SNX15: variants seen among roughly 807,000 people sequenced by gnomAD.
SNX15 encodes the protein sorting nexin 15.
In SNX15, 29 loss-of-function variants were observed where a neutral mutation model predicts 35.2. That is an observed-to-expected ratio of 0.82 (90% CI 0.61 to 1.12). The LOEUF (loss-of-function observed/expected upper bound fraction) is 1.12. Among genes scored for constraint, SNX15 ranks in the 50% most tolerant of loss-of-function variants. SNX15 has a pLI of 0.00. For missense variants in SNX15, 400 were observed against 451.5 expected, an observed-to-expected ratio of 0.89 and a Z score of 1.03; for synonymous variants, 189 against 188.2, an observed-to-expected ratio of 1.00 and a Z score of -0.03.
intron 1 of SNX15, 28 bp from the exon 2 acceptor site, chr11:65,032,140 T>C: frequency 6.2e-7 from 1 of 1,613,278 alleles, no homozygotes; most frequent in Non-Finnish European, 8.5e-7. Context: ...GTCTCTGGTC[T>C]CAACCAGCTC....
intron 1 of SNX15, among the ~76,000 whole-genome samples, chr11:65,030,034 T>C (rs1421571950): frequency 6.6e-6 from 1 of 151,846 alleles, no homozygotes; most frequent in African/African-American, 2.4e-5. Flanking sequence ...ACTACAAGCA[T>C]GTACCACTAC....
At position 65,039,821 on chromosome 11, in the gene SNX15, C is replaced by A; in HGVS notation, c.*29C>A. 6.7e-7 allele frequency: 1 copy of A among 1,490,772 alleles called. No homozygotes were observed. The highest frequency in any genetic ancestry group is 9.3e-7 in the Non-Finnish European group (1 of 1,077,620). 92.3% of individuals were successfully genotyped at this position (1,490,772 alleles called of 1,614,324 possible). A position where few individuals can be genotyped will look rare whatever the true frequency, so the allele number is the denominator to read the frequency against. On this transcript the variant is annotated 3_prime_UTR_variant, in exon 8 of 8. Coordinates refer to ENST00000377244, the MANE Select transcript of SNX15 (RefSeq NM_013306.5). ...GGAGTGGGCCATTCCCTGGGACTCT[C>A]GCTCCTGCACTGCCAGCCCCTTCTC...
In SNX15 at chr11:65,035,531, C is replaced by A. The variant is rs151138240; in HGVS notation, c.532C>A (p.Pro178Thr). The A allele has an allele frequency of 3.7e-5, 59 of 1,597,776 alleles. 1 individual carries two copies. The African/African-American group carries it at 7.8e-4, about 21-fold the overall frequency. ...EELEVPVDPPPSSPAQEALDL... is the reference protein window; with the variant it reads ...EELEVPVDPPTSSPAQEALDL... ...TATCTCTTCCTCAGTGGACCCCCCA[C>A]CATCCAGCCCTGCCCAGGAGGCCCT... The change falls in exon 6 of 8, where the codon CCA becomes ACA. Residue 178 changes from proline (P) to threonine (T), a missense_variant. Coordinates refer to ENST00000377244, the MANE Select transcript of SNX15 (RefSeq NM_013306.5).
At chr11:65,039,590 C>T (rs1946553586) in intron 7 of SNX15, 96 bp from the exon 8 acceptor site, 1 of 694,014 alleles carries the variant, frequency 1.4e-6, no homozygotes, top group Non-Finnish European at 2.6e-6. Context: ...GGGAAAAGCA[C>T]ATGGTGATGC....
intron 1 of SNX15, among the ~76,000 whole-genome samples, chr11:65,029,096 T>TATAA (rs113466481): frequency 0.02 from 3,038 of 148,426 alleles, 73 homozygotes; most frequent in East Asian, 0.098. Flanking sequence ...GTCTCAAAAA[T>TATAA]ATAAATAAAT....
intron 3 of SNX15, among the ~76,000 whole-genome samples, chr11:65,033,171 C>T (rs1946460097): frequency 6.6e-6 from 1 of 152,030 alleles, no homozygotes; most frequent in South Asian, 2.1e-4. Context: ...ACACTGCACC[C>T]GGCCCATCTC....
In SNX15 at chr11:65,039,806, AT is replaced by A. The variant is rs1565203795; in HGVS notation, c.*16del. The A allele has an allele frequency of 4.5e-6, 7 of 1,570,924 alleles. No homozygotes were observed. Among genetic ancestry groups the A allele is most frequent in the Non-Finnish European group, 5.2e-6 (6 of 1,145,724 alleles). Reference sequence around the variant, plus strand: ...CTCCCACCCTAACAGGGAGTGGGCCATTCCCTGGGACTCTCGCTCCTGCACT... The same window carrying A: ...CTCCCACCCTAACAGGGAGTGGGCCATCCCTGGGACTCTCGCTCCTGCACT... On this transcript the variant is annotated 3_prime_UTR_variant, in exon 8 of 8. Transcript: ENST00000377244.
At chr11:65,027,874 G>A (rs1464757724) in intron 1 of SNX15, among the ~76,000 whole-genome samples, 1 of 152,220 alleles carries the variant, frequency 6.6e-6, no homozygotes, top group African/African-American at 2.4e-5. Flanking sequence ...CAGGCAAGGC[G>A]TGTATGCCCA....
In SNX15 at chr11:65,032,513, T is replaced by C. The variant is rs1363211549; in HGVS notation, c.218T>C (p.Leu73Pro). Residue 73 changes from leucine (L) to proline (P), a missense_variant, in exon 3 of 8, where the codon CTC becomes CCC. Physicochemically the swap from Leu to Pro is moderately conservative, Grantham distance 98 (BLOSUM62 -3). Coordinates refer to ENST00000377244, the MANE Select transcript of SNX15 (RefSeq NM_013306.5). ...AYTHRNLFRR[L>P]EEFPAFPRAQ... ...ACCCACCGCAACCTCTTCCGCCGCC[T>C]CGAGGAGTTCCCTGCTTTCCCCCGG... 6.2e-7 allele frequency: 1 copy of C among 1,614,158 alleles called. No individual in the cohort carries two copies. Among genetic ancestry groups the C allele is most frequent in the East Asian group, 2.2e-5 (1 of 44,878 alleles).
intron 2 of SNX15, 94 bp from the exon 3 acceptor site, chr11:65,032,337 T>C (rs1946448777): frequency 6.2e-7 from 1 of 1,600,306 alleles, no homozygotes; most frequent in South Asian, 1.1e-5. Flanking sequence ...CTGCAGCTGC[T>C]TCCTGATCCT....
At position 65,034,863 on chromosome 11, in the gene SNX15, A is replaced by G; in HGVS notation, c.273A>G (p.Ser91=). Residue 91 remains serine, a synonymous_variant, in exon 4 of 8, where the codon TCA becomes TCG. Transcript: ENST00000377244. Reference sequence around the variant, plus strand: ...GGGCCGTAGGCCGGTTTGAAGCCTCAGTGATCGAGGAGCGGCGAAAGGGGG... The same window carrying G: ...GGGCCGTAGGCCGGTTTGAAGCCTCGGTGATCGAGGAGCGGCGAAAGGGGG... ...RAQVFGRFEA[S]VIEERRKGAE... 3 of 1,613,930 alleles carry G rather than the reference A, an allele frequency of 1.9e-6. No individual in the cohort carries two copies. The highest frequency in any genetic ancestry group is 3.3e-4 in the Middle Eastern group (2 of 6,060).
In SNX15 at chr11:65,040,098, T is replaced by C; in HGVS notation, c.*306T>C. 1 of 259,344 alleles carries C rather than the reference T, an allele frequency of 3.9e-6. No homozygotes were observed. The highest frequency in any genetic ancestry group is 7.6e-6 in the Non-Finnish European group (1 of 132,370). 16.1% of individuals were successfully genotyped at this position (259,344 alleles called of 1,614,324 possible). The stretch of plus-strand genomic sequence containing the variant: ...CTCACTGCAACCTCCACCTCCCAGG[T>C]TCAAGCAGTTCTCCTGTCTCAGCCT... On this transcript the variant is annotated 3_prime_UTR_variant, in exon 8 of 8. Coordinates refer to ENST00000377244, the MANE Select transcript of SNX15 (RefSeq NM_013306.5).
At chr11:65,031,874 G>T (rs966797485) in intron 1 of SNX15, among the ~76,000 whole-genome samples, 3 of 152,228 alleles carry the variant, frequency 2.0e-5, no homozygotes, top group Middle Eastern at 6.8e-3. Context: ...TCCAGCCTGG[G>T]CGACAGAGCG....
chr11:65,032,422 A>G lies in SNX15; in HGVS notation c.136-9A>G. On this transcript the variant is annotated splice_polypyrimidine_tract_variant and intron_variant, in intron 2 of 7. Transcript: ENST00000377244. ...TGCTGGTTCTGGGCAAGTCTCATGT[A>G]CCTCATAGGTGGTGGTCTGGAAGCG... 6.2e-7 allele frequency: 1 copy of G among 1,613,770 alleles called. No individual in the cohort carries two copies.
intron 1 of SNX15, among the ~76,000 whole-genome samples, chr11:65,029,665 C>T (rs1046009908): frequency 6.6e-6 from 1 of 151,568 alleles, no homozygotes; most frequent in African/African-American, 2.4e-5. Flanking sequence ...TAGCCTCCAC[C>T]TCCTGGGTTC....
intron 7 of SNX15, among the ~76,000 whole-genome samples, chr11:65,039,391 T>TA (rs1946548497): frequency 6.6e-6 from 1 of 151,660 alleles, no homozygotes; most frequent in Non-Finnish European, 1.5e-5. Flanking sequence ...GCCCAGCGAA[T>TA]TTTTGTAGTT....
At chr11:65,032,355 C>T in intron 2 of SNX15, 76 bp from the exon 3 acceptor site, 1 of 1,610,414 alleles carries the variant, frequency 6.2e-7, no homozygotes, top group South Asian at 1.1e-5. Flanking sequence ...CCTCACGCCC[C>T]CTGGGGGCAG....
chr11:65,039,845 T>A lies in SNX15; in HGVS notation c.*53T>A. Reference sequence around the variant, plus strand: ...TCGCTCCTGCACTGCCAGCCCCTTCTCCTCTCCCCAGGGCCTGGCCCTACC... The same window carrying A: ...TCGCTCCTGCACTGCCAGCCCCTTCACCTCTCCCCAGGGCCTGGCCCTACC... On this transcript the variant is annotated 3_prime_UTR_variant, in exon 8 of 8. Transcript: ENST00000377244. 7.8e-7 allele frequency: 1 copy of A among 1,275,594 alleles called. No individual in the cohort carries two copies. Among genetic ancestry groups the A allele is most frequent in the South Asian group, 1.3e-5 (1 of 79,372 alleles). The allele number at this position is 1,275,594 out of a possible 1,614,324, so 79.0% of individuals were successfully genotyped here.
intron 3 of SNX15, among the ~76,000 whole-genome samples, chr11:65,034,026 A>C (rs1467642523): frequency 6.6e-6 from 1 of 152,098 alleles, no homozygotes; most frequent in Non-Finnish European, 1.5e-5. Context: ...CTTTTGAAGC[A>C]AGGTAAAGGA....
Sources: allele counts gnomAD v4.1 joint callset (sites outside exome capture counted in the v4.1 genomes callset), GRCh38; gene constraint gnomAD v4.1.1; transcripts MANE v1.5; gene names NCBI Gene and HGNC (gene_info 2026-07-23, HGNC 2026-07-21).